Variants in GARNL3 observed in about 807,000 individuals in gnomAD.
GARNL3 encodes GTPase-activating Rap/Ran-GAP domain-like protein 3.
GARNL3 carries 63 observed loss-of-function variants against 125.0 expected under a neutral mutation model. The observed-to-expected ratio is 0.50, with a 90% confidence interval of 0.41 to 0.62. The LOEUF is 0.62. GARNL3 is among the 20% of genes least tolerant of loss of function. GARNL3 has a pLI of 0.00. For missense variants in GARNL3, 994 were observed against 1,244.0 expected, an observed-to-expected ratio of 0.80 and a Z score of 3.02; for synonymous variants, 439 against 457.5, an observed-to-expected ratio of 0.96 and a Z score of 0.52.
chr9:127,294,517 T>C (rs1412644759), intron 2 of GARNL3, among the ~76,000 whole-genome samples: 1 of 152,236 alleles, frequency 6.6e-6, no homozygotes, highest in African/African-American at 2.4e-5. Flanking sequence ...TTGGCTAGGC[T>C]GGTCTCGAAC....
intron 13 of GARNL3, among the ~76,000 whole-genome samples, chr9:127,341,112 G>T (rs11789817): frequency 6.6e-6 from 1 of 152,146 alleles, no homozygotes; most frequent in Admixed American, 6.5e-5. Context: ...GACCACCAGC[G>T]TTGTTACCTC....
At chr9:127,293,680 G>C (rs1220275083) in intron 2 of GARNL3, among the ~76,000 whole-genome samples, 1 of 152,052 alleles carries the variant, frequency 6.6e-6, no homozygotes, top group Non-Finnish European at 1.5e-5. Context: ...TGTGGCTGTT[G>C]TTTCATTGTT....
chr9:127,301,807 G>T (rs759627687), intron 2 of GARNL3, among the ~76,000 whole-genome samples: 13 of 151,764 alleles, frequency 8.6e-5, no homozygotes, highest in Non-Finnish European at 1.8e-4. Flanking sequence ...GTGACCCCTG[G>T]GTGGATCACT....
intron 21 of GARNL3, among the ~76,000 whole-genome samples, chr9:127,360,758 C>T (rs1048774200): frequency 6.6e-6 from 1 of 152,176 alleles, no homozygotes; most frequent in African/African-American, 2.4e-5. Context: ...GGGCAGGCCT[C>T]GCTTCCTGCT....
intron 8 of GARNL3, 128 bp downstream of exon 8, chr9:127,332,477 T>A (rs1000227824): frequency 1.4e-6 from 1 of 736,772 alleles, no homozygotes; most frequent in African/African-American, 1.8e-5. Flanking sequence ...TTACACAATT[T>A]CAGCGTGAAT....
chr9:127,296,763 G>A (rs1160157020), intron 2 of GARNL3, among the ~76,000 whole-genome samples: 4 of 152,052 alleles, frequency 2.6e-5, no homozygotes, highest in East Asian at 1.9e-4. Flanking sequence ...GAACCACCAC[G>A]CCTGGCCAGG....
At chr9:127,346,339 C>G (rs916172476) in intron 16 of GARNL3, among the ~76,000 whole-genome samples, 4 of 152,156 alleles carry the variant, frequency 2.6e-5, no homozygotes, top group African/African-American at 9.7e-5. Flanking sequence ...ATTTACCTTA[C>G]TGATAAAGGT....
intron 22 of GARNL3, chr9:127,366,726 G>A (rs1042311454): frequency 6.6e-6 from 1 of 152,210 alleles, no homozygotes; most frequent in African/African-American, 2.4e-5. Flanking sequence ...AAGAAAAAGA[G>A]GGCATGGAAA....
chr9:127,286,964 A>G (rs1404251431), intron 1 of GARNL3, among the ~76,000 whole-genome samples: 8 of 152,328 alleles, frequency 5.3e-5, no homozygotes, highest in Non-Finnish European at 1.0e-4. Context: ...TTCAGGCTCA[A>G]GAAAATCTGC....
intron 1 of GARNL3, among the ~76,000 whole-genome samples, chr9:127,288,950 T>C (rs550294587): frequency 2.0e-5 from 3 of 152,298 alleles, no homozygotes; most frequent in African/African-American, 7.2e-5. Context: ...ATGTCAGACA[T>C]TATTAATTGA....
intron 3 of GARNL3, 56 bp from the exon 4 acceptor site, chr9:127,313,385 A>G (rs1436102049): frequency 8.1e-7 from 1 of 1,234,122 alleles, no homozygotes; most frequent in Non-Finnish European, 1.2e-6. Flanking sequence ...GTCCTCTACC[A>G]TCTGTGGCTG....
Position 127,374,909 on chromosome 9 carries a change from C to CAAAAA in GARNL3, c.2162-8517_2162-8513dup, listed in dbSNP as rs772141471. Among the ~76,000 whole-genome samples, 521 of 63,188 alleles carry CAAAAA rather than the reference C, an allele frequency of 8.2e-3. 6 individuals are homozygous for CAAAAA. Among genetic ancestry groups the CAAAAA allele is most frequent in the African/African-American group, 0.025 (480 of 19,576 alleles). The allele number at this position is 63,188 out of a possible 152,430, so 41.5% of individuals were successfully genotyped here. On this transcript the variant is annotated intron_variant, in intron 22 of 27. Transcript: ENST00000373387. ...GCAGTATCATGAGACTCCATCTCTA[C>CAAAAA]AAAAAAAAAAAAAAAACAACAAAGA...
rs1277627718 is a variant in GARNL3, at chr9:127,385,224, G to C, written c.2388+79G>C. 2.5e-6 allele frequency: 2 copies of C among 802,660 alleles called. No homozygotes were observed. Among genetic ancestry groups the C allele is most frequent in the Non-Finnish European group, 3.9e-6 (2 of 508,212 alleles). 49.7% of individuals were successfully genotyped at this position (802,660 alleles called of 1,614,324 possible). A position where few individuals can be genotyped will look rare whatever the true frequency, so the allele number is the denominator to read the frequency against. ...GGGATTTCAGGTGAGCACAGAAGCC[G>C]CCTCTTGTCAAGTTAGGCTGATGAA... On this transcript the variant is annotated intron_variant, in intron 24 of 27. Transcript: ENST00000373387. The surrounding 1 kb of genome is among the most constrained non-coding windows in gnomAD (Gnocchi z 4.1).
rs762555674 is a variant in GARNL3, at chr9:127,393,049, C to T, written c.2871-34C>T. On this transcript the variant is annotated intron_variant, in intron 27 of 27. Coordinates refer to ENST00000373387, the MANE Select transcript of GARNL3 (RefSeq NM_032293.5). ...AATAGGCCCAGTTCTGTGGTACTCC[C>T]AAAGATCCTCTTACAGTGACTTTTC... 2.6e-6 allele frequency: 4 copies of T among 1,552,932 alleles called. No homozygotes were observed. The South Asian group carries it at 3.4e-5, about 13-fold the overall frequency.
intron 22 of GARNL3, among the ~76,000 whole-genome samples, chr9:127,379,542 T>C (rs1343366344): frequency 6.6e-6 from 1 of 152,184 alleles, no homozygotes; most frequent in Non-Finnish European, 1.5e-5. Flanking sequence ...GATGTGATTT[T>C]TAATGGACAC....
intron 2 of GARNL3, among the ~76,000 whole-genome samples, chr9:127,256,731 A>G (rs1407076697): frequency 1.3e-5 from 2 of 152,220 alleles, no homozygotes; most frequent in Non-Finnish European, 2.9e-5. Context: ...ACACAGAGAC[A>G]TCTCATGTAC....
intron 21 of GARNL3, among the ~76,000 whole-genome samples, chr9:127,360,423 G>A (rs1312295922): frequency 5.3e-5 from 8 of 152,162 alleles, no homozygotes; most frequent in Admixed American, 6.5e-5. Flanking sequence ...CGGCTGCACA[G>A]CTCCCAGCAG....
At chr9:127,324,916 G>GT (rs899487739) in intron 6 of GARNL3, among the ~76,000 whole-genome samples, 153 bp from the exon 7 acceptor site, 14 of 152,126 alleles carry the variant, frequency 9.2e-5, no homozygotes, top group Non-Finnish European at 1.8e-4. Flanking sequence ...TCATAGTTGG[G>GT]TTTTTTTCCC....
rs758873701 is a variant in GARNL3, at chr9:127,393,217, C to T, written c.3005C>T (p.Thr1002Met). ...PVSGSSPFQL[T>M]AFSDEDIIDL... The stretch of plus-strand genomic sequence containing the variant: ...TCCGGCAGCAGCCCCTTCCAGCTCA[C>T]GGCTTTCTCCGATGAAGACATTATA... The change falls in exon 28 of 28, where the codon ACG becomes ATG. Residue 1002 changes from threonine (T) to methionine (M), a missense_variant. Transcript: ENST00000373387. 32 of 1,613,408 alleles carry T rather than the reference C, an allele frequency of 2.0e-5. No homozygotes were observed. The East Asian group carries it at 3.1e-4, about 16-fold the overall frequency.
Sources: gnomAD v4.1 joint callset for allele counts (sites outside exome capture counted in the v4.1 genomes callset) on GRCh38, gnomAD v4.1.1 for gene constraint, Gnocchi (gnomAD v3.1) non-coding constraint, MANE v1.5 for transcripts, NCBI Gene and HGNC (gene_info 2026-07-23, HGNC 2026-07-21) for gene names.